PCDHA13: variants seen among roughly 807,000 people sequenced by gnomAD.
The protein encoded by PCDHA13 is protocadherin alpha 13, also known as protocadherin alpha-13.
Under a neutral mutation model 64.8 loss-of-function variants are expected in PCDHA13, and 54 were observed. The observed-to-expected ratio is 0.83, with a 90% CI of 0.67 to 1.04. PCDHA13 has a LOEUF of 1.04. PCDHA13 is among the 50% of genes least tolerant of loss of function. PCDHA13 has a pLI of 0.00. For synonymous variants in PCDHA13, 587 were observed against 564.4 expected, an observed-to-expected ratio of 1.04 and a Z score of -0.57; for missense variants, 1,248 against 1,254.3, an observed-to-expected ratio of 0.99 and a Z score of 0.08.
intron 1 of PCDHA13, chr5:140,928,753 G>A (rs782483181): frequency 1.2e-6 from 2 of 1,614,142 alleles, no homozygotes; most frequent in Non-Finnish European, 8.5e-7. Flanking sequence ...GCTCCGTACT[G>A]CTCGCTTAGT....
chr5:140,952,841 C>T (rs2094805193), intron 1 of PCDHA13, among the ~76,000 whole-genome samples: 1 of 152,102 alleles, frequency 6.6e-6, no homozygotes, highest in South Asian at 2.1e-4. Context: ...TGGCCATCTG[C>T]TTGTCTTCTG....
At chr5:140,919,841 GA>G (rs1318412572) in intron 1 of PCDHA13, among the ~76,000 whole-genome samples, 1 of 152,146 alleles carries the variant, frequency 6.6e-6, no homozygotes, top group Non-Finnish European at 1.5e-5. Context: ...GTAACCTTTG[GA>G]ACCTGTGACC....
At chr5:140,969,578 G>A (rs2096343344) in intron 1 of PCDHA13, 2 of 957,378 alleles carry the variant, frequency 2.1e-6, no homozygotes, top group Admixed American at 5.9e-5. Context: ...TGAGAAGTGA[G>A]GATTAGTCTT....
chr5:140,897,037 AC>A (rs1300892291), intron 1 of PCDHA13, among the ~76,000 whole-genome samples: 1 of 152,074 alleles, frequency 6.6e-6, no homozygotes, highest in Non-Finnish European at 1.5e-5. Flanking sequence ...GACCATAGTC[AC>A]CCTATTCTGC....
intron 1 of PCDHA13, among the ~76,000 whole-genome samples, chr5:140,941,768 T>C (rs576405772): frequency 2.6e-5 from 4 of 152,254 alleles, no homozygotes; most frequent in Non-Finnish European, 5.9e-5. Context: ...TTTAAGATAA[T>C]TGTTTTAATG....
intron 1 of PCDHA13, among the ~76,000 whole-genome samples, chr5:140,914,495 A>G (rs1469336186): frequency 2.0e-5 from 3 of 152,164 alleles, no homozygotes; most frequent in Non-Finnish European, 4.4e-5. Context: ...CTTGTGGGCA[A>G]CAGATCATTG....
At chr5:140,894,960 A>G (rs1277191439) in intron 1 of PCDHA13, among the ~76,000 whole-genome samples, 1 of 152,170 alleles carries the variant, frequency 6.6e-6, no homozygotes, top group African/African-American at 2.4e-5. Context: ...ATAAAAATAT[A>G]ATTTTTTAAT....
chr5:140,890,995 A>C (rs1554184607), intron 1 of PCDHA13, among the ~76,000 whole-genome samples: 2 of 152,138 alleles, frequency 1.3e-5, no homozygotes, highest in Non-Finnish European at 1.5e-5. Context: ...ATTTCATCAT[A>C]ATTATTGAAA....
chr5:140,980,824 A>G (rs2096907010), intron 2 of PCDHA13, among the ~76,000 whole-genome samples: 1 of 152,192 alleles, frequency 6.6e-6, no homozygotes, highest in Non-Finnish European at 1.5e-5. Flanking sequence ...ATATTAAATG[A>G]GTTGTGAACC....
chr5:141,010,446 C>T lies in PCDHA13; in HGVS notation c.*509C>T. The T allele has an allele frequency of 1.1e-6, 1 of 944,708 alleles. No homozygotes were observed. The highest frequency in any genetic ancestry group is 1.5e-6 in the Non-Finnish European group (1 of 656,274). 58.5% of individuals were successfully genotyped at this position (944,708 alleles called of 1,614,324 possible). ...AGGCAAGAAAACAAAGACAAATAAACAGCGGAAGTTATCAGTATGGAGGGG... is the reference window on the plus strand; with the variant it reads ...AGGCAAGAAAACAAAGACAAATAAATAGCGGAAGTTATCAGTATGGAGGGG... On this transcript the variant is annotated 3_prime_UTR_variant, in exon 4 of 4. Coordinates refer to ENST00000289272, the MANE Select transcript of PCDHA13 (RefSeq NM_018904.3).
At chr5:140,917,326 G>GA (rs1425389614) in intron 1 of PCDHA13, among the ~76,000 whole-genome samples, 3 of 149,490 alleles carry the variant, frequency 2.0e-5, no homozygotes, top group Non-Finnish European at 4.5e-5. Flanking sequence ...TCATGTGGCG[G>GA]GGGAGGGGGG....
chr5:140,904,139 A>C (rs557435150), intron 1 of PCDHA13, among the ~76,000 whole-genome samples: 10 of 152,286 alleles, frequency 6.6e-5, no homozygotes, highest in African/African-American at 2.2e-4. Flanking sequence ...TCACCCGAGC[A>C]GTATACATTG....
Position 140,883,864 on chromosome 5 carries a change from G to A in PCDHA13, c.1596G>A (p.Gln532=). The A allele has an allele frequency of 6.2e-7, 1 of 1,613,210 alleles. No individual in the cohort carries two copies. Among genetic ancestry groups the A allele is most frequent in the East Asian group, 2.2e-5 (1 of 44,866 alleles). The change falls in exon 1 of 4, where the codon CAG becomes CAA. Residue 532 remains glutamine (Q), a synonymous_variant. Coordinates refer to ENST00000289272, the MANE Select transcript of PCDHA13 (RefSeq NM_018904.3). ...PLDHEELELL[Q]FQVSARDSGV... ...ACCACGAGGAGCTGGAGCTGTTGCA[G>A]TTCCAGGTGAGCGCGCGCGACTCTG...
chr5:140,957,746 AG>A (rs1173855054), intron 1 of PCDHA13, among the ~76,000 whole-genome samples: 1 of 152,136 alleles, frequency 6.6e-6, no homozygotes, highest in Non-Finnish European at 1.5e-5. Flanking sequence ...CTGACATGAA[AG>A]GATGTTCATT....
chr5:140,941,876 C>T (rs1293978062), intron 1 of PCDHA13, among the ~76,000 whole-genome samples: 1 of 152,166 alleles, frequency 6.6e-6, no homozygotes, highest in Non-Finnish European at 1.5e-5. Flanking sequence ...GTTCTATCAC[C>T]AGTGACTAGC....
intron 1 of PCDHA13, among the ~76,000 whole-genome samples, chr5:140,910,650 C>T (rs565503828): frequency 6.6e-6 from 1 of 152,312 alleles, no homozygotes; most frequent in East Asian, 1.9e-4. Flanking sequence ...CCTTTTGATC[C>T]CTTCCTCTAC....
chr5:140,987,904 G>A (rs115515462), intron 3 of PCDHA13, among the ~76,000 whole-genome samples: 1 of 151,734 alleles, frequency 6.6e-6, no homozygotes, highest in African/African-American at 2.4e-5. Context: ...TTTTATATGG[G>A]GATTTATATT....
chr5:140,895,603 T>C (rs2065070404), intron 1 of PCDHA13, among the ~76,000 whole-genome samples: 1 of 152,156 alleles, frequency 6.6e-6, no homozygotes, highest in African/African-American at 2.4e-5. Context: ...TTTGCAAAGA[T>C]TTTCTCATTG....
intron 3 of PCDHA13, among the ~76,000 whole-genome samples, chr5:141,001,477 A>T (rs2098020508): frequency 6.6e-6 from 1 of 152,176 alleles, no homozygotes; most frequent in South Asian, 2.1e-4. Flanking sequence ...AGCAGCGGGG[A>T]AGTGCTGGAA....
Sources: gnomAD v4.1 joint callset for allele counts (sites outside exome capture counted in the v4.1 genomes callset) on GRCh38, gnomAD v4.1.1 for gene constraint, MANE v1.5 for transcripts, NCBI Gene and HGNC (gene_info 2026-07-23, HGNC 2026-07-21) for gene names.